Variants in FAM177A1 observed in about 807,000 individuals in gnomAD.
FAM177A1 encodes the protein family with sequence similarity 177 member A1.
FAM177A1 carries 22 observed loss-of-function variants against 26.1 expected under a neutral mutation model. That is an observed-to-expected ratio of 0.84 (90% CI 0.60 to 1.20). The LOEUF is 1.20. Ranked by LOEUF, FAM177A1 falls within the 50% of genes most tolerant of loss-of-function variation. The probability of loss-of-function intolerance (pLI) is 0.00; values close to 1 mark genes in which losing one functional copy is unlikely to be tolerated. For missense variants in FAM177A1, 296 were observed against 291.1 expected (o/e 1.02, Z -0.12); for synonymous variants, 95 against 99.3 (o/e 0.96, Z 0.26).
Position 35,053,518 on chromosome 14 carries a change from A to G in FAM177A1, c.339+67A>G, listed in dbSNP as rs530796455. ...TTTGATTTATTTTTTTTCCCTAAACATTGAGTGGAAGGGACCTTTTGAGGT... is the reference window on the plus strand; with the variant it reads ...TTTGATTTATTTTTTTTCCCTAAACGTTGAGTGGAAGGGACCTTTTGAGGT... On this transcript the variant is annotated intron_variant, in intron 2 of 4. Transcript: ENST00000280987. 256 of 1,476,848 alleles carry G rather than the reference A, an allele frequency of 1.7e-4. No individual in the cohort carries two copies. The African/African-American group carries it at 3.3e-3, about 19-fold the overall frequency. 91.5% of individuals were successfully genotyped at this position (1,476,848 alleles called of 1,614,324 possible).
intron 3 of FAM177A1, 85 bp downstream of exon 3, chr14:35,077,301 T>C (rs2045411479): frequency 8.1e-7 from 1 of 1,241,272 alleles, no homozygotes; most frequent in Non-Finnish European, 1.2e-6. Flanking sequence ...GTTTCCAAAC[T>C]GAAGGAGAAA....
intron 2 of FAM177A1, among the ~76,000 whole-genome samples, chr14:35,060,275 A>T (rs576930311): frequency 6.6e-6 from 1 of 152,030 alleles, no homozygotes; most frequent in Admixed American, 6.6e-5. Flanking sequence ...GCGCCTGGCC[A>T]GTTTTTGTTT....
intron 2 of FAM177A1, among the ~76,000 whole-genome samples, chr14:35,058,285 C>T (rs1215037551): frequency 2.0e-5 from 3 of 152,074 alleles, no homozygotes; most frequent in African/African-American, 2.4e-5. Context: ...AGGATGGTCT[C>T]GATCTCTTGA....
At chr14:35,046,680 C>T (rs1342305995) in intron 1 of FAM177A1, 52 bp downstream of exon 1, 1 of 1,492,658 alleles carries the variant, frequency 6.7e-7, no homozygotes, top group South Asian at 1.3e-5. Context: ...GCCTCCTTGC[C>T]TTCTCCGCGG....
rs2044862232 is a variant in FAM177A1, at chr14:35,046,395, G to A, written c.-69G>A. 6.1e-6 allele frequency: 8 copies of A among 1,306,186 alleles called. No homozygotes were observed. The highest frequency in any genetic ancestry group is 1.9e-5 in the African/African-American group (1 of 51,990). 80.9% of individuals were successfully genotyped at this position (1,306,186 alleles called of 1,614,324 possible). ...ACTTGGCTAGGCGCGGCGCGAGGCG[G>A]GCGCTGGGCGGGTGAGTCCCACTTC... On this transcript the variant is annotated 5_prime_UTR_variant, in exon 1 of 5. Transcript: ENST00000280987.
intron 2 of FAM177A1, among the ~76,000 whole-genome samples, chr14:35,066,270 G>A (rs1353584769): frequency 2.6e-5 from 4 of 151,336 alleles, no homozygotes; most frequent in Non-Finnish European, 5.9e-5. Context: ...GTCTCATTAT[G>A]TTGCCCAGGC....
At chr14:35,076,497 C>T (rs955582290) in intron 2 of FAM177A1, among the ~76,000 whole-genome samples, 6 of 151,802 alleles carry the variant, frequency 4.0e-5, no homozygotes, top group Non-Finnish European at 5.9e-5. Context: ...ATGTAAATGA[C>T]GAGTTAATGG....
intron 1 of FAM177A1, 148 bp downstream of exon 1, chr14:35,046,776 A>C (rs1409714107): frequency 1.4e-6 from 2 of 1,382,268 alleles, no homozygotes; most frequent in Non-Finnish European, 1.9e-6. Context: ...GTTTCTGCTC[A>C]CTGAGACCAG....
chr14:35,049,089 C>T (rs2044922556), intron 1 of FAM177A1, among the ~76,000 whole-genome samples: 1 of 152,032 alleles, frequency 6.6e-6, no homozygotes, highest in Non-Finnish European at 1.5e-5. Flanking sequence ...TGGGGTTTCA[C>T]CATCTTGGTC....
intron 3 of FAM177A1, among the ~76,000 whole-genome samples, chr14:35,078,555 T>C (rs7155406): frequency 0.07 from 10,707 of 152,236 alleles, 497 homozygotes; most frequent in Non-Finnish European, 0.11. Context: ...TTTCATCATG[T>C]TGTTCAAGCT....
At chr14:35,070,518 C>T (rs1175799044) in intron 2 of FAM177A1, among the ~76,000 whole-genome samples, 1 of 151,824 alleles carries the variant, frequency 6.6e-6, no homozygotes, top group Non-Finnish European at 1.5e-5. Context: ...TTGGTAGAGA[C>T]AGGGTTTCAC....
intron 2 of FAM177A1, among the ~76,000 whole-genome samples, 194 bp from the exon 3 acceptor site, chr14:35,076,956 T>C (rs189896429): frequency 6.6e-6 from 1 of 152,324 alleles, no homozygotes; most frequent in East Asian, 1.9e-4. Flanking sequence ...GTGGTAGTTA[T>C]ATGGGTGAAT....
intron 1 of FAM177A1, chr14:35,046,955 G>A: frequency 8.9e-7 from 1 of 1,118,572 alleles, no homozygotes; most frequent in Non-Finnish European, 1.1e-6. Flanking sequence ...TGGAAGCCAG[G>A]TGAGGGCGGC....
intron 2 of FAM177A1, among the ~76,000 whole-genome samples, chr14:35,069,980 G>C (rs926698382): frequency 2.0e-5 from 3 of 151,268 alleles, no homozygotes; most frequent in Non-Finnish European, 4.4e-5. Flanking sequence ...GGTGGGCGTG[G>C]TGGTGGGCGC....
At chr14:35,056,059 G>A (rs1431251986) in intron 2 of FAM177A1, among the ~76,000 whole-genome samples, 6 of 151,872 alleles carry the variant, frequency 4.0e-5, no homozygotes, top group Non-Finnish European at 7.4e-5. Context: ...TTTTGAGAGG[G>A]AGTCTGGCTC....
At chr14:35,063,872 A>C (rs2045198304) in intron 2 of FAM177A1, among the ~76,000 whole-genome samples, 1 of 147,972 alleles carries the variant, frequency 6.8e-6, no homozygotes, top group African/African-American at 2.5e-5. Context: ...AAACCCTGAA[A>C]CTCCATCTCT....
At chr14:35,062,622 C>G (rs2045176111) in intron 2 of FAM177A1, among the ~76,000 whole-genome samples, 1 of 151,942 alleles carries the variant, frequency 6.6e-6, no homozygotes, top group Middle Eastern at 3.2e-3. Flanking sequence ...GAGATAATAT[C>G]TATGAAAACT....
At chr14:35,068,627 C>T (rs746491797) in intron 2 of FAM177A1, among the ~76,000 whole-genome samples, 1 of 152,166 alleles carries the variant, frequency 6.6e-6, no homozygotes, top group Non-Finnish European at 1.5e-5. Flanking sequence ...ATTGGGAAGC[C>T]TTCTCCATTT....
chr14:35,068,862 G>A (rs949911004), intron 2 of FAM177A1, among the ~76,000 whole-genome samples: 8 of 152,206 alleles, frequency 5.3e-5, no homozygotes, highest in Admixed American at 6.6e-5. Context: ...GTAGCAGAAG[G>A]CAAGAGGGTG....
Sources: allele counts gnomAD v4.1 joint callset (sites outside exome capture counted in the v4.1 genomes callset), GRCh38; gene constraint gnomAD v4.1.1; transcripts MANE v1.5; gene names NCBI Gene and HGNC (gene_info 2026-07-23, HGNC 2026-07-21).